Variants in NXPE4 observed in about 807,000 individuals in gnomAD.
NXPE4 encodes the protein neurexophilin and PC-esterase domain family member 4, also known as NXPE family member 4.
A neutral mutation model predicts 33.3 loss-of-function variants in NXPE4; 42 were observed. The observed-to-expected ratio is 1.26, with a 90% CI of 0.98 to 1.63. The LOEUF (loss-of-function observed/expected upper bound fraction) is 1.63, where lower values mean the gene tolerates loss of function less well. Among genes scored for constraint, NXPE4 ranks in the 40% most tolerant of loss-of-function variants. NXPE4 has a pLI of 0.00. For missense variants in NXPE4, 709 were observed against 647.6 expected, an observed-to-expected ratio of 1.09 and a Z score of -1.03; for synonymous variants, 253 against 234.9, an observed-to-expected ratio of 1.08 and a Z score of -0.71.
chr11:114,627,372 C>G, the NXPE4 span, among the ~76,000 whole-genome samples: 2,417 of 152,002 alleles, frequency 0.016, 27 homozygotes, highest in Non-Finnish European at 0.022. Flanking sequence ...ATTCAACATT[C>G]TTAAAGAGAA....
chr11:114,608,601 T>G, the NXPE4 span, among the ~76,000 whole-genome samples: 30 of 150,314 alleles, frequency 2.0e-4, no homozygotes, highest in Non-Finnish European at 3.4e-4. Flanking sequence ...TTGTTGCCTC[T>G]AGGGTAACCA....
At chr11:114,615,350 C>T in the NXPE4 span, among the ~76,000 whole-genome samples, 1 of 151,988 alleles carries the variant, frequency 6.6e-6, no homozygotes, top group Non-Finnish European at 1.5e-5. Flanking sequence ...CTAAGTTTTG[C>T]CTCGTGGATA....
At chr11:114,610,236 G>T in the NXPE4 span, among the ~76,000 whole-genome samples, 2 of 151,824 alleles carry the variant, frequency 1.3e-5, no homozygotes, top group Non-Finnish European at 2.9e-5. Context: ...GTTGCCTCGT[G>T]GTTAACCACT....
chr11:114,612,136 C>A, the NXPE4 span, among the ~76,000 whole-genome samples: 1 of 151,958 alleles, frequency 6.6e-6, no homozygotes, highest in Non-Finnish European at 1.5e-5. Context: ...TAATTGTTGC[C>A]TCGTGGGTAA....
the NXPE4 span, among the ~76,000 whole-genome samples, chr11:114,675,374 T>C: frequency 6.6e-6 from 1 of 151,774 alleles, no homozygotes; most frequent in African/African-American, 2.4e-5. Flanking sequence ...TGGTTTCTGT[T>C]TGCCAGTGAC....
the NXPE4 span, among the ~76,000 whole-genome samples, chr11:114,603,788 G>C: frequency 8.6e-5 from 13 of 151,670 alleles, no homozygotes; most frequent in African/African-American, 2.7e-4. Flanking sequence ...GTTACCTGGA[G>C]GATAATAAGT....
chr11:114,591,427 T>C (rs766948702), intron 2 of NXPE4, among the ~76,000 whole-genome samples: 25 of 152,126 alleles, frequency 1.6e-4, no homozygotes, highest in Non-Finnish European at 5.9e-5. Context: ...AGTAATGCAT[T>C]GTAAGGGACA....
At chr11:114,587,110 C>T (rs1228686452) in intron 2 of NXPE4, among the ~76,000 whole-genome samples, 2 of 152,128 alleles carry the variant, frequency 1.3e-5, no homozygotes, top group African/African-American at 2.4e-5. Context: ...CTTCCTAATT[C>T]TCGCTTTTTT....
the NXPE4 span, among the ~76,000 whole-genome samples, chr11:114,648,542 T>C: frequency 6.6e-6 from 1 of 152,188 alleles, no homozygotes; most frequent in African/African-American, 2.4e-5. Flanking sequence ...AACACTCTTA[T>C]AGAAACACCC....
At chr11:114,622,480 G>C in the NXPE4 span, among the ~76,000 whole-genome samples, 1 of 151,812 alleles carries the variant, frequency 6.6e-6, no homozygotes, top group African/African-American at 2.4e-5. Flanking sequence ...TTGCCTCATG[G>C]ATAACCACTG....
At chr11:114,635,810 G>A in the NXPE4 span, among the ~76,000 whole-genome samples, 1 of 152,200 alleles carries the variant, frequency 6.6e-6, no homozygotes, top group African/African-American at 2.4e-5. Context: ...TCCCAGGGAT[G>A]AAGCCCACTT....
At chr11:114,645,174 C>A in the NXPE4 span, among the ~76,000 whole-genome samples, 1 of 151,934 alleles carries the variant, frequency 6.6e-6, no homozygotes, top group Admixed American at 6.6e-5. Flanking sequence ...TGATGGCGTG[C>A]ACTTATAATC....
chr11:114,584,329 C>A, intron 2 of NXPE4: 1 of 483,090 alleles, frequency 2.1e-6, no homozygotes, highest in East Asian at 6.0e-5. Flanking sequence ...TAATGAGTAC[C>A]TGGAGAAGAT....
chr11:114,619,569 G>A, the NXPE4 span, among the ~76,000 whole-genome samples: 10 of 148,872 alleles, frequency 6.7e-5, no homozygotes, highest in African/African-American at 2.5e-4. Flanking sequence ...GTTACCTGGT[G>A]GATAATGTGT....
At chr11:114,610,329 A>G in the NXPE4 span, among the ~76,000 whole-genome samples, 1 of 151,690 alleles carries the variant, frequency 6.6e-6, no homozygotes, top group African/African-American at 2.4e-5. Flanking sequence ...CCGGTGAATA[A>G]TAAGTATGGC....
chr11:114,655,921 T>C, the NXPE4 span, among the ~76,000 whole-genome samples: 1 of 152,190 alleles, frequency 6.6e-6, no homozygotes, highest in African/African-American at 2.4e-5. Context: ...TTGGAACTTC[T>C]GGCTAGGGCA....
chr11:114,670,332 G>A, the NXPE4 span, among the ~76,000 whole-genome samples: 1 of 151,980 alleles, frequency 6.6e-6, no homozygotes, highest in Non-Finnish European at 1.5e-5. Context: ...TTTACTTTCT[G>A]AGGAGCAATA....
the NXPE4 span, among the ~76,000 whole-genome samples, chr11:114,657,108 A>G: frequency 1.3e-4 from 20 of 152,118 alleles, no homozygotes; most frequent in African/African-American, 3.6e-4. Context: ...ACAAACAAAC[A>G]AACACCAAAT....
the NXPE4 span, among the ~76,000 whole-genome samples, chr11:114,606,600 A>G: frequency 2.6e-5 from 4 of 151,928 alleles, no homozygotes; most frequent in African/African-American, 9.7e-5. Context: ...CTTGTGGGTA[A>G]CCACTGTTAC....
Sources: allele counts gnomAD v4.1 joint callset (sites outside exome capture counted in the v4.1 genomes callset), GRCh38; gene constraint gnomAD v4.1.1; transcripts MANE v1.5; gene names NCBI Gene and HGNC (gene_info 2026-07-23, HGNC 2026-07-21).